The following TRANK1 variants were observed in gnomAD, a reference collection of about 807,000 sequenced individuals.
TRANK1 encodes the protein TPR and ankyrin repeat-containing protein 1.
In TRANK1, 198 loss-of-function variants were observed where a neutral mutation model predicts 266.0. The ratio of observed to expected loss-of-function variants is 0.74; its 90% confidence interval spans 0.66 to 0.84. The LOEUF (loss-of-function observed/expected upper bound fraction) is 0.84, where lower values mean the gene tolerates loss of function less well. Ranked by LOEUF, TRANK1 falls within the 40% of genes least tolerant of loss-of-function variation. The probability of loss-of-function intolerance (pLI) is 0.00; values close to 1 mark genes in which losing one functional copy is unlikely to be tolerated. For synonymous variants in TRANK1, 1,396 were observed against 1,384.1 expected (o/e 1.01, Z -0.19); for missense variants, 3,326 against 3,634.6 (o/e 0.92, Z 2.18).
Position 36,836,717 on chromosome 3 carries a change from T to A in TRANK1, c.5517+1655A>T, listed in dbSNP as rs142156074. On this transcript the variant is annotated intron_variant, in intron 20 of 23. Coordinates refer to ENST00000645898, the MANE Select transcript of TRANK1 (RefSeq NM_001329998.2). ...ACTCTTCTTCCTATCACAGCTCCCA[T>A]CCAGTTCACCAGCTAATCCTGTCTG... Among the ~76,000 whole-genome samples the A allele has an allele frequency of 9.9e-3, 1,515 of 152,268 alleles. 15 individuals carry two copies. Among genetic ancestry groups the A allele is most frequent in the Non-Finnish European group, 0.015 (1,039 of 68,018 alleles).
At position 36,935,620 on chromosome 3, in the gene TRANK1, T is replaced by C. The variant is rs374306295; in HGVS notation, c.23+9167A>G. On this transcript the variant is annotated intron_variant, in intron 1 of 23. Transcript: ENST00000645898. ...CACATGTCACCACACTCAGCTATTT[T>C]TGTATTTTTAGTAGAGATGTGGCTT... Among the ~76,000 whole-genome samples, 88 of 152,066 alleles carry C rather than the reference T, an allele frequency of 5.8e-4. 1 individual carries two copies. The highest frequency in any genetic ancestry group is 2.1e-3 in the East Asian group (11 of 5,192).
At chr3:36,935,445 C>CTT (rs11374436) in intron 1 of TRANK1, among the ~76,000 whole-genome samples, 103 of 83,678 alleles carry the variant, frequency 1.2e-3, no homozygotes, top group African/African-American at 2.7e-3. Flanking sequence ...TGCCTGAATT[C>CTT]TTTTTTTTTT....
Position 36,832,063 on chromosome 3 carries a change from A to G in TRANK1, c.7520T>C (p.Ile2507Thr), listed in dbSNP as rs773046084. ...DKELGDVFSI[I>T]QEYKPKDVTR... is the part of the protein sequence containing the mutation. ...CACGTCCTTGGGTTTGTATTCCTGA[A>G]TGATGGAGAACACATCCCCAAGCTC... Residue 2507 changes from isoleucine to threonine, a missense_variant, in exon 22 of 24, where the codon ATT becomes ACT. Physicochemically the swap from Ile to Thr is moderately conservative, Grantham distance 89 (BLOSUM62 -1). Coordinates refer to ENST00000645898, the MANE Select transcript of TRANK1 (RefSeq NM_001329998.2). 1.9e-6 allele frequency: 3 copies of G among 1,614,046 alleles called. No homozygotes were observed. Among genetic ancestry groups the G allele is most frequent in the African/African-American group, 2.7e-5 (2 of 75,058 alleles).
intron 3 of TRANK1, among the ~76,000 whole-genome samples, chr3:36,902,357 T>C (rs774734393): frequency 6.6e-6 from 1 of 152,248 alleles, no homozygotes. Flanking sequence ...TTGTATTTTG[T>C]TTCTAGCAGT....
At chr3:36,847,397 G>T in intron 15 of TRANK1, 51 bp from the exon 16 acceptor site, 1 of 1,591,320 alleles carries the variant, frequency 6.3e-7, no homozygotes, top group Non-Finnish European at 8.6e-7. Context: ...TTTGAACTAC[G>T]CATACAGCCT....
In TRANK1 at chr3:36,831,082, T is replaced by G. The variant is rs1480109283; in HGVS notation, c.8501A>C (p.Tyr2834Ser). ...GTGGAAAAATTCTGAGTATTTCTGG[T>G]AGGCCACTTGCTGCCTCTGGTGGTG... ...LEHHQRQQVA[Y>S]QKYSEFFHEK... The change falls in exon 22 of 24, where the codon TAC becomes TCC. Residue 2834 changes from tyrosine (Y) to serine (S), a missense_variant. By Grantham distance (144) the Tyr-to-Ser change is moderately radical (BLOSUM62 -2). Transcript: ENST00000645898. This position sits in a 1 kb window ranked among gnomAD's most constrained non-coding sequence, Gnocchi z 5.0. The G allele has an allele frequency of 6.8e-6, 11 of 1,613,886 alleles. No homozygotes were observed. The highest frequency in any genetic ancestry group is 9.3e-6 in the Non-Finnish European group (11 of 1,179,906).
chr3:36,920,478 T>C (rs2080199413), intron 1 of TRANK1, among the ~76,000 whole-genome samples: 1 of 152,196 alleles, frequency 6.6e-6, no homozygotes. Flanking sequence ...GTATTGAGTG[T>C]AGGGCACAAT....
At chr3:36,921,355 T>A (rs1396835162) in intron 1 of TRANK1, among the ~76,000 whole-genome samples, 1 of 152,234 alleles carries the variant, frequency 6.6e-6, no homozygotes, top group Non-Finnish European at 1.5e-5. Context: ...ACGAGTCACA[T>A]CCTCCTATAG....
chr3:36,848,403 T>C lies in TRANK1; in HGVS notation c.4888-1057A>G, dbSNP rs9829672. Reference sequence around the variant, plus strand: ...GTAAAACTGAAGTGCCCAGATTACATGCAGAATTTAGAATTCAAAATTCTT... The same window carrying C: ...GTAAAACTGAAGTGCCCAGATTACACGCAGAATTTAGAATTCAAAATTCTT... On this transcript the variant is annotated intron_variant, in intron 15 of 23. Transcript: ENST00000645898. 5.7e-3 allele frequency among the ~76,000 whole-genome samples: 862 copies of C among 152,358 alleles called. 8 individuals carry two copies. The highest frequency in any genetic ancestry group is 0.019 in the African/African-American group (810 of 41,578).
In TRANK1 at chr3:36,828,075, G is replaced by T. The variant is rs1447130564; in HGVS notation, c.*200C>A. The T allele has an allele frequency of 3.7e-6, 2 of 534,622 alleles. No homozygotes were observed. The highest frequency in any genetic ancestry group is 6.7e-6 in the Non-Finnish European group (2 of 298,144). The allele number at this position is 534,622 out of a possible 1,614,324, so 33.1% of individuals were successfully genotyped here. On this transcript the variant is annotated 3_prime_UTR_variant, in exon 24 of 24. Coordinates refer to ENST00000645898, the MANE Select transcript of TRANK1 (RefSeq NM_001329998.2). ...AACTAATACTGCCAGACTCTACTTGGAAACACTTTAGAGGTGAGGGAGCAA... is the reference window on the plus strand; with the variant it reads ...AACTAATACTGCCAGACTCTACTTGTAAACACTTTAGAGGTGAGGGAGCAA...
At chr3:36,920,971 A>G (rs1450199035) in intron 1 of TRANK1, among the ~76,000 whole-genome samples, 1 of 152,200 alleles carries the variant, frequency 6.6e-6, no homozygotes, top group Non-Finnish European at 1.5e-5. Context: ...TTTAAAGTTT[A>G]ACTTCCTCGT....
chr3:36,850,409 C>A (rs1038949853), intron 15 of TRANK1: 3 of 985,248 alleles, frequency 3.0e-6, no homozygotes, highest in Non-Finnish European at 3.6e-6. Flanking sequence ...CTCAAAGCAT[C>A]TGAGTTCATC....
intron 1 of TRANK1, among the ~76,000 whole-genome samples, chr3:36,934,507 GC>G (rs752826274): frequency 6.6e-5 from 10 of 152,136 alleles, no homozygotes; most frequent in Non-Finnish European, 1.2e-4. Flanking sequence ...AAAGTGACCT[GC>G]CTGTTTCATC....
intron 1 of TRANK1, among the ~76,000 whole-genome samples, chr3:36,941,252 A>G (rs371508955): frequency 4.6e-5 from 7 of 152,336 alleles, no homozygotes; most frequent in South Asian, 4.1e-4. Flanking sequence ...CAGTGCTTAA[A>G]AAATAAAAAA....
At position 36,831,037 on chromosome 3, in the gene TRANK1, A is replaced by G. The variant is rs762521191; in HGVS notation, c.8546T>C (p.Ile2849Thr). 2 of 1,613,960 alleles carry G rather than the reference A, an allele frequency of 1.2e-6. No homozygotes were observed. Among genetic ancestry groups the G allele is most frequent in the Non-Finnish European group, 1.7e-6 (2 of 1,179,876 alleles). Reference protein sequence around the residue: ...EFFHEKVDPAIDEGKLVVQDI... With the variant: ...EFFHEKVDPATDEGKLVVQDI... ...CTGCACCACCAGCTTGCCTTCATCA[A>G]TGGCCGGGTCCACCTTCTCGTGGAA... is the stretch of plus-strand genomic sequence containing the variant. Residue 2849 changes from isoleucine (I) to threonine (T), a missense_variant, in exon 22 of 24, where the codon ATT becomes ACT. By Grantham distance (89) the Ile-to-Thr change is moderately conservative (BLOSUM62 -1). Transcript: ENST00000645898. The surrounding 1 kb of genome is among the most constrained non-coding windows in gnomAD (Gnocchi z 5.0).
upstream of TRANK1, chr3:36,945,061 C>T (rs1282865456): frequency 2.3e-5 from 10 of 440,532 alleles, no homozygotes; most frequent in Non-Finnish European, 4.0e-5. Flanking sequence ...TTCCAAGTTT[C>T]CACGTAGTTG....
intron 15 of TRANK1, among the ~76,000 whole-genome samples, chr3:36,848,576 C>A (rs1384293367): frequency 6.6e-6 from 1 of 152,110 alleles, no homozygotes; most frequent in Non-Finnish European, 1.5e-5. Flanking sequence ...TTACTACCTG[C>A]CTTAAGTTAC....
Position 36,831,859 on chromosome 3 carries a change from T to G in TRANK1, c.7724A>C (p.Glu2575Ala). 6.2e-7 allele frequency: 1 copy of G among 1,613,988 alleles called. No homozygotes were observed. The highest frequency in any genetic ancestry group is 8.5e-7 in the Non-Finnish European group (1 of 1,179,894). Residue 2575 changes from glutamate to alanine, a missense_variant, in exon 22 of 24, where the codon GAG (glutamate) becomes GCG (alanine). Coordinates refer to ENST00000645898, the MANE Select transcript of TRANK1 (RefSeq NM_001329998.2). This position sits in a 1 kb window ranked among gnomAD's most constrained non-coding sequence, Gnocchi z 5.0. ...AGGCTTGCAGTATGGCTGCAGGATC[T>G]CCTCAGCATTCACTAGCATCACCAA... ...LCLVMLVNAE[E>A]ILQPYCKPLL...
chr3:36,828,527 T>TAAA (rs1294848496), intron 23 of TRANK1, among the ~76,000 whole-genome samples, 152 bp from the exon 24 acceptor site: 2 of 152,098 alleles, frequency 1.3e-5, no homozygotes, highest in Non-Finnish European at 2.9e-5. Flanking sequence ...CAATCCACTG[T>TAAA]AAAATATAGC....
Sources: allele counts gnomAD v4.1 joint callset (sites outside exome capture counted in the v4.1 genomes callset), GRCh38; gene constraint gnomAD v4.1.1; non-coding constraint Gnocchi (gnomAD v3.1); transcripts MANE v1.5; gene names NCBI Gene and HGNC (gene_info 2026-07-23, HGNC 2026-07-21).